MYO16: variants seen among roughly 807,000 people sequenced by gnomAD.
MYO16 encodes the protein myosin XVI, also known as unconventional myosin-XVI.
Under a neutral mutation model 205.3 loss-of-function variants are expected in MYO16, and 94 were observed. The observed-to-expected ratio is 0.46, with a 90% CI of 0.39 to 0.54. The LOEUF is 0.54. Among genes scored for constraint, MYO16 ranks in the 20% least tolerant of loss-of-function variants. The pLI, the probability that MYO16 is intolerant of heterozygous loss-of-function variation, is 0.00. For synonymous variants in MYO16, 988 were observed against 954.0 expected (o/e 1.04, Z -0.66); for missense variants, 2,315 against 2,387.5 (o/e 0.97, Z 0.63).
intron 2 of MYO16, among the ~76,000 whole-genome samples, chr13:108,669,750 A>C (rs185437990): frequency 1.3e-5 from 2 of 152,320 alleles, no homozygotes; most frequent in African/African-American, 4.8e-5. Context: ...GCCAGAAAAT[A>C]GAATGAGTTC....
rs1476515639 is a variant in MYO16, at chr13:108,793,284, T to TC, written c.617-231dup. ...CTGGGCAACAGAGCAAGACTCTGTC[T>TC]CAAAAAAAAAAAAAAAAAAAACATA... On this transcript the variant is annotated intron_variant, in intron 5 of 34. Transcript: ENST00000457511. Among the ~76,000 whole-genome samples, 4 of 97,890 alleles carry TC rather than the reference T, an allele frequency of 4.1e-5. No individual in the cohort carries two copies. In the Admixed American group the frequency reaches 4.2e-4, roughly 10 times the overall value. The allele number at this position is 97,890 out of a possible 152,430, so 64.2% of individuals were successfully genotyped here.
At chr13:108,785,352 C>A (rs766213794) in intron 4 of MYO16, among the ~76,000 whole-genome samples, 17 of 152,142 alleles carry the variant, frequency 1.1e-4, no homozygotes, top group Non-Finnish European at 1.6e-4. Flanking sequence ...GGGTTTGCAG[C>A]CACACACTAG....
intron 16 of MYO16, among the ~76,000 whole-genome samples, chr13:108,936,988 C>T (rs542501671): frequency 6.6e-6 from 1 of 152,160 alleles, no homozygotes; most frequent in Non-Finnish European, 1.5e-5. Flanking sequence ...AGGTATTGTT[C>T]TTTTGTCTGC....
At chr13:108,773,632 T>A (rs1270805497) in intron 4 of MYO16, among the ~76,000 whole-genome samples, 4 of 152,204 alleles carry the variant, frequency 2.6e-5, no homozygotes, top group Admixed American at 1.3e-4. Flanking sequence ...GTGTGACTCA[T>A]CTTAACTAAT....
the MYO16 span, among the ~76,000 whole-genome samples, chr13:108,502,176 A>G: frequency 6.6e-6 from 1 of 152,102 alleles, no homozygotes. Context: ...TTAAGCCACT[A>G]CATTCCAGCC....
chr13:108,820,081 G>A (rs1192900459), intron 7 of MYO16, among the ~76,000 whole-genome samples: 1 of 152,130 alleles, frequency 6.6e-6, no homozygotes, highest in African/African-American at 2.4e-5. Flanking sequence ...GTTATAAAGT[G>A]TCCTTTTCAA....
At chr13:108,540,592 C>T in the MYO16 span, among the ~76,000 whole-genome samples, 1 of 152,036 alleles carries the variant, frequency 6.6e-6, no homozygotes, top group African/African-American at 2.4e-5. Flanking sequence ...CTGTTAAAGC[C>T]TGGAACATTA....
At chr13:108,524,213 T>C in the MYO16 span, among the ~76,000 whole-genome samples, 5 of 151,698 alleles carry the variant, frequency 3.3e-5, no homozygotes, top group Non-Finnish European at 7.4e-5. Flanking sequence ...GGCAGGAGAA[T>C]AGCTTGAACC....
intron 7 of MYO16, among the ~76,000 whole-genome samples, chr13:108,814,821 C>A (rs1336095212): frequency 6.6e-6 from 1 of 152,116 alleles, no homozygotes; most frequent in East Asian, 1.9e-4. Flanking sequence ...TCTTGGAATG[C>A]CTGGGCAAAA....
At chr13:108,549,289 G>T in the MYO16 span, among the ~76,000 whole-genome samples, 1 of 152,144 alleles carries the variant, frequency 6.6e-6, no homozygotes, top group Non-Finnish European at 1.5e-5. Context: ...CACACAGCTG[G>T]TTTTGAAGGG....
the MYO16 span, among the ~76,000 whole-genome samples, chr13:108,590,583 C>A: frequency 6.6e-6 from 1 of 152,110 alleles, no homozygotes. Flanking sequence ...TCAAGTCATA[C>A]TGGAGTAGGG....
At chr13:108,755,017 TATAAAGTTTTGATGACA>T (rs1594267770) in intron 4 of MYO16, among the ~76,000 whole-genome samples, 1 of 151,990 alleles carries the variant, frequency 6.6e-6, no homozygotes, top group African/African-American at 2.4e-5. Context: ...TTATAAAAAG[TATAAAGTTTTGATGACA>T]ATAAATGTGA....
chr13:108,595,802 G>A (rs962773606), upstream of MYO16, among the ~76,000 whole-genome samples: 8 of 151,192 alleles, frequency 5.3e-5, no homozygotes, highest in South Asian at 1.5e-3. Flanking sequence ...AATGTTCATT[G>A]TGGTGGCTAC....
chr13:108,887,413 G>A (rs572405814), intron 13 of MYO16, among the ~76,000 whole-genome samples: 18 of 152,268 alleles, frequency 1.2e-4, no homozygotes, highest in Admixed American at 7.2e-4. Context: ...AGTTTTTCTG[G>A]TTACCAAATA....
chr13:108,688,586 G>T (rs939545305), intron 2 of MYO16, among the ~76,000 whole-genome samples: 2 of 152,092 alleles, frequency 1.3e-5, no homozygotes, highest in African/African-American at 4.8e-5. Context: ...AGTCTGTCAG[G>T]AACAGACTTC....
intron 7 of MYO16, among the ~76,000 whole-genome samples, chr13:108,808,800 AC>A (rs1039180173): frequency 7.9e-5 from 12 of 152,242 alleles, no homozygotes; most frequent in African/African-American, 2.9e-4. Context: ...AATTAAAAAA[AC>A]CCTTTAATGA....
chr13:108,968,509 C>A (rs1482046535), intron 20 of MYO16, among the ~76,000 whole-genome samples: 2 of 151,946 alleles, frequency 1.3e-5, no homozygotes, highest in African/African-American at 4.8e-5. Flanking sequence ...CCCTGTAGAC[C>A]CAGCTACTCG....
chr13:108,618,197 T>A (rs1879416333), intron 1 of MYO16, among the ~76,000 whole-genome samples: 1 of 152,178 alleles, frequency 6.6e-6, no homozygotes, highest in African/African-American at 2.4e-5. Context: ...ACTCCTCTGT[T>A]AAAAATCTGC....
intron 10 of MYO16, among the ~76,000 whole-genome samples, chr13:108,847,936 G>T (rs926791294): frequency 6.6e-6 from 1 of 151,844 alleles, no homozygotes; most frequent in Non-Finnish European, 1.5e-5. Context: ...TAGGTTTAAG[G>T]TTGAAATTGA....
Sources: gnomAD v4.1 joint callset for allele counts (sites outside exome capture counted in the v4.1 genomes callset) on GRCh38, gnomAD v4.1.1 for gene constraint, MANE v1.5 for transcripts, NCBI Gene and HGNC (gene_info 2026-07-23, HGNC 2026-07-21) for gene names.